AGO2: variants seen among roughly 807,000 people sequenced by gnomAD.
AGO2 encodes protein argonaute-2.
In AGO2, 5 loss-of-function variants were observed where a neutral mutation model predicts 102.3. The ratio of observed to expected loss-of-function variants is 0.05; its 90% CI spans 0.03 to 0.10. AGO2 has a LOEUF of 0.10. Ranked by LOEUF, AGO2 falls within the 10% of genes least tolerant of loss-of-function variation. AGO2 has a pLI of 1.00. For synonymous variants in AGO2, 449 were observed against 473.1 expected (o/e 0.95, Z 0.66); for missense variants, 541 against 1,183.7 (o/e 0.46, Z 7.97).
Position 140,531,663 on chromosome 8 carries a change from G to A in AGO2, c.*381C>T. The stretch of plus-strand genomic sequence containing the variant: ...CTCAGAAGATTCACAGCTAGTTTGA[G>A]CCCATCAATTTCATAGAGAATCATG... On this transcript the variant is annotated 3_prime_UTR_variant, in exon 19 of 19. Transcript: ENST00000220592. 5.7e-6 allele frequency: 1 copy of A among 174,660 alleles called. No homozygotes were observed. Among genetic ancestry groups the A allele is most frequent in the Non-Finnish European group, 1.3e-5 (1 of 79,538 alleles). 10.8% of individuals were successfully genotyped at this position (174,660 alleles called of 1,614,324 possible). A position where few individuals can be genotyped will look rare whatever the true frequency, so the allele number is the denominator to read the frequency against.
chr8:140,553,764 T>A (rs540824346), intron 10 of AGO2, among the ~76,000 whole-genome samples: 21 of 151,806 alleles, frequency 1.4e-4, no homozygotes, highest in African/African-American at 5.1e-4. Flanking sequence ...AGTGGCACAA[T>A]CTCGGCTCAC....
At chr8:140,598,499 G>C (rs759565545) in intron 1 of AGO2, among the ~76,000 whole-genome samples, 1 of 152,232 alleles carries the variant, frequency 6.6e-6, no homozygotes, top group East Asian at 1.9e-4. Context: ...TCCTCTGGGA[G>C]TGCCTCCATT....
Position 140,528,431 on chromosome 8 carries a change from G to A in AGO2, c.*3613C>T. ...TACAGGAACTGAACTGACATGATCT[G>A]TTCTAATGGGCACTCCGTCACGGGG... On this transcript the variant is annotated 3_prime_UTR_variant, in exon 19 of 19. Coordinates refer to ENST00000220592, the MANE Select transcript of AGO2 (RefSeq NM_012154.5). This position sits in a 1 kb window ranked among gnomAD's most constrained non-coding sequence, Gnocchi z 4.5. 1 of 152,198 alleles carries A rather than the reference G, an allele frequency of 6.6e-6. No individual in the cohort carries two copies. The highest frequency in any genetic ancestry group is 1.5e-5 in the Non-Finnish European group (1 of 68,056). The allele number at this position is 152,198 out of a possible 1,614,324, so 9.4% of individuals were successfully genotyped here.
At chr8:140,547,694 A>T (rs976833934) in intron 12 of AGO2, 67 bp from the exon 13 acceptor site, 15 of 1,548,162 alleles carry the variant, frequency 9.7e-6, no homozygotes, top group South Asian at 1.2e-5. Context: ...CGAGAGCAGC[A>T]GCTGCCACCA....
At chr8:140,618,762 G>C (rs80163731) in intron 1 of AGO2, among the ~76,000 whole-genome samples, 5,460 of 151,830 alleles carry the variant, frequency 0.036, 320 homozygotes, top group African/African-American at 0.12. Flanking sequence ...CAAGGCTGCA[G>C]TGAGCCGTGA....
chr8:140,584,385 G>T (rs1317554545), intron 2 of AGO2, among the ~76,000 whole-genome samples: 1 of 152,124 alleles, frequency 6.6e-6, no homozygotes, highest in Non-Finnish European at 1.5e-5. Flanking sequence ...GGAGCTGACG[G>T]GAGGAAAACG....
At chr8:140,609,772 C>A (rs2074052048) in intron 1 of AGO2, among the ~76,000 whole-genome samples, 1 of 152,040 alleles carries the variant, frequency 6.6e-6, no homozygotes, top group African/African-American at 2.4e-5. Context: ...TGAATGACTG[C>A]CCGGAAAAAG....
At chr8:140,535,430 C>A (rs780476795) in intron 17 of AGO2, 38 bp downstream of exon 17, 1 of 1,597,954 alleles carries the variant, frequency 6.3e-7, no homozygotes, top group Non-Finnish European at 8.6e-7. Flanking sequence ...ACACGGCAGA[C>A]GGCCAAGACT....
intron 1 of AGO2, among the ~76,000 whole-genome samples, chr8:140,624,572 C>A (rs1043715479): frequency 2.0e-5 from 3 of 152,232 alleles, no homozygotes; most frequent in Non-Finnish European, 2.9e-5. Flanking sequence ...AGCCAGCGTC[C>A]CCAACTAACA....
intron 1 of AGO2, among the ~76,000 whole-genome samples, chr8:140,612,616 CG>C (rs1437775400): frequency 6.6e-6 from 1 of 151,528 alleles, no homozygotes; most frequent in African/African-American, 2.4e-5. Context: ...TAAAATTAGC[CG>C]GGTGTGGTGG....
At chr8:140,627,090 G>T (rs2074287873) in intron 1 of AGO2, among the ~76,000 whole-genome samples, 1 of 152,202 alleles carries the variant, frequency 6.6e-6, no homozygotes, top group African/African-American at 2.4e-5. Flanking sequence ...AGGGGCTAAA[G>T]AACTCCCCAT....
chr8:140,578,438 G>C (rs1187812269), intron 2 of AGO2, among the ~76,000 whole-genome samples: 1 of 152,192 alleles, frequency 6.6e-6, no homozygotes, highest in Non-Finnish European at 1.5e-5. Flanking sequence ...GTACCTGTGA[G>C]GCACTAACTT....
In AGO2 at chr8:140,523,425, A is replaced by G. The variant is rs2072447985; in HGVS notation, c.*8619T>C. The G allele has an allele frequency of 6.6e-6, 1 of 152,196 alleles. No individual in the cohort carries two copies. Among genetic ancestry groups the G allele is most frequent in the Non-Finnish European group, 1.5e-5 (1 of 68,034 alleles). 9.4% of individuals were successfully genotyped at this position (152,196 alleles called of 1,614,324 possible). On this transcript the variant is annotated 3_prime_UTR_variant, in exon 19 of 19. Transcript: ENST00000220592. ...AAATAAAATAAAACTAGAAAAATTG[A>G]TAAAACTAAGGGTTAAAAGCCCTCA... is the stretch of plus-strand genomic sequence containing the variant.
intron 14 of AGO2, among the ~76,000 whole-genome samples, chr8:140,542,698 C>A (rs2072822395): frequency 6.6e-6 from 1 of 152,236 alleles, no homozygotes; most frequent in Admixed American, 6.5e-5. Context: ...GGGGAGGGCG[C>A]CAGCCCGCTG....
chr8:140,609,345 T>C (rs2074045559), intron 1 of AGO2, among the ~76,000 whole-genome samples: 1 of 152,230 alleles, frequency 6.6e-6, no homozygotes. Flanking sequence ...GGCAGTGGCC[T>C]GCCGGGTGGC....
At position 140,562,476 on chromosome 8, in the gene AGO2, G is replaced by T; in HGVS notation, c.495C>A (p.Val165=). The change falls in exon 4 of 19, where the codon GTC becomes GTA. Residue 165 remains valine (V), a synonymous_variant. Transcript: ENST00000220592. ...ACCTCATGGATGGCAAGTGCCTCAT[G>T]ACCACGTCCAGGGCCTGGATCGTCT... is the stretch of plus-strand genomic sequence containing the variant. ...PFETIQALDV[V]MRHLPSMRYT... is the part of the protein sequence containing the mutation. The T allele has an allele frequency of 6.2e-7, 1 of 1,612,914 alleles. No homozygotes were observed. The highest frequency in any genetic ancestry group is 1.1e-5 in the South Asian group (1 of 91,020).
At chr8:140,601,773 T>C (rs1378550794) in intron 1 of AGO2, among the ~76,000 whole-genome samples, 2 of 152,250 alleles carry the variant, frequency 1.3e-5, no homozygotes, top group African/African-American at 4.8e-5. Flanking sequence ...GTTATTATAC[T>C]GTACTTTAAA....
At chr8:140,640,156 A>C (rs915576647), upstream of AGO2, among the ~76,000 whole-genome samples, 2 of 151,950 alleles carry the variant, frequency 1.3e-5, no homozygotes, top group African/African-American at 2.4e-5. Context: ...TTACAGGCGC[A>C]TGCCACCACA....
At chr8:140,563,174 A>G (rs1318015113) in intron 3 of AGO2, among the ~76,000 whole-genome samples, 1 of 152,264 alleles carries the variant, frequency 6.6e-6, no homozygotes, top group Non-Finnish European at 1.5e-5. Flanking sequence ...CCGATGTGAC[A>G]GGTTACAGAT....
Sources: allele counts gnomAD v4.1 joint callset (sites outside exome capture counted in the v4.1 genomes callset), GRCh38; gene constraint gnomAD v4.1.1; non-coding constraint Gnocchi (gnomAD v3.1); transcripts MANE v1.5; gene names NCBI Gene and HGNC (gene_info 2026-07-23, HGNC 2026-07-21).